The following FOXP2 variants were observed in gnomAD, a reference collection of about 807,000 sequenced individuals.
FOXP2 encodes forkhead box P2, also known as forkhead box protein P2.
FOXP2 carries 12 observed loss-of-function variants against 115.8 expected under a neutral mutation model. That is an observed-to-expected ratio of 0.10 (90% CI 0.07 to 0.17). The LOEUF is 0.17. Ranked by LOEUF, FOXP2 falls within the 10% of genes least tolerant of loss-of-function variation. The probability of loss-of-function intolerance (pLI) is 1.00; values close to 1 mark genes in which losing one functional copy is unlikely to be tolerated. For missense variants in FOXP2, 629 were observed against 843.5 expected (o/e 0.75, Z 3.15); for synonymous variants, 328 against 297.7 (o/e 1.10, Z -1.05).
At chr7:114,576,505 C>T (rs965123373) in intron 3 of FOXP2, among the ~76,000 whole-genome samples, 2 of 151,758 alleles carry the variant, frequency 1.3e-5, no homozygotes, top group African/African-American at 4.8e-5. Flanking sequence ...AATTTACTCC[C>T]CTTGATGATT....
intron 2 of FOXP2, among the ~76,000 whole-genome samples, chr7:114,385,717 G>A (rs145071202): frequency 3.9e-4 from 60 of 152,306 alleles, no homozygotes; most frequent in Non-Finnish European, 7.6e-4. Context: ...GAACAGAATA[G>A]CAAGCTAAAG....
rs1158252110 is a variant in FOXP2 at position 114,631,583 on chromosome 7, A to G, written c.653A>G (p.Gln218Arg). The G allele has an allele frequency of 6.2e-7, 1 of 1,606,884 alleles. No individual in the cohort carries two copies. The highest frequency in any genetic ancestry group is 1.7e-5 in the Admixed American group (1 of 59,000). ...TTGGCAGCCCAGCAGCTTGTCTTCC[A>G]GCAGCAGCTTCTCCAGATGCAACAA... is the stretch of plus-strand genomic sequence containing the variant. ...QQLAAQQLVF[Q>R]QQLLQMQQLQ... The change falls in exon 6 of 17, where the codon CAG (glutamine) becomes CGG (arginine). Residue 218 changes from glutamine to arginine, a missense_variant. Physicochemically the swap from Gln to Arg is conservative, Grantham distance 43. Coordinates refer to ENST00000350908, the MANE Select transcript of FOXP2 (RefSeq NM_014491.4).
chr7:114,475,972 T>C (rs1796240351), intron 2 of FOXP2, among the ~76,000 whole-genome samples: 3 of 151,944 alleles, frequency 2.0e-5, no homozygotes, highest in Admixed American at 1.3e-4. Flanking sequence ...ATGTACCCCC[T>C]ATATCTAATG....
At chr7:114,647,828 G>A (rs750259143) in intron 8 of FOXP2, among the ~76,000 whole-genome samples, 2 of 151,948 alleles carry the variant, frequency 1.3e-5, no homozygotes, top group African/African-American at 2.4e-5. Context: ...TAAGCCAAAA[G>A]GTTTACAATA....
At chr7:114,262,899 T>C (rs1486155459) in intron 1 of FOXP2, among the ~76,000 whole-genome samples, 6 of 152,226 alleles carry the variant, frequency 3.9e-5, no homozygotes, top group Non-Finnish European at 8.8e-5. Context: ...TTTACCTTAG[T>C]TTTATGTCTA....
chr7:114,390,985 G>C (rs1020675489), intron 2 of FOXP2, among the ~76,000 whole-genome samples: 3 of 152,080 alleles, frequency 2.0e-5, no homozygotes, highest in African/African-American at 7.2e-5. Flanking sequence ...TCAGGAGTTG[G>C]AGATCAGCCT....
At chr7:114,553,016 G>A (rs1800286690) in intron 3 of FOXP2, among the ~76,000 whole-genome samples, 2 of 152,030 alleles carry the variant, frequency 1.3e-5, no homozygotes, top group Non-Finnish European at 2.9e-5. Flanking sequence ...TTTTGAAACA[G>A]TATTTCCCTA....
At chr7:114,616,449 C>T (rs1803957451) in intron 3 of FOXP2, among the ~76,000 whole-genome samples, 1 of 152,150 alleles carries the variant, frequency 6.6e-6, no homozygotes, top group African/African-American at 2.4e-5. Flanking sequence ...AGATGTGAGC[C>T]ACCATGCCTG....
chr7:114,169,800 T>A (rs1793090000), intron 1 of FOXP2, among the ~76,000 whole-genome samples: 1 of 152,072 alleles, frequency 6.6e-6, no homozygotes, highest in Admixed American at 6.5e-5. Context: ...GGGAGATAAT[T>A]GAATCATGGG....
chr7:114,518,527 G>T (rs145318256), intron 2 of FOXP2, among the ~76,000 whole-genome samples: 262 of 150,498 alleles, frequency 1.7e-3, no homozygotes, highest in East Asian at 4.9e-3. Flanking sequence ...TTTTTTTTGA[G>T]ATGGAGTCTC....
chr7:114,587,185 C>A (rs866732795), intron 3 of FOXP2, among the ~76,000 whole-genome samples: 2 of 151,906 alleles, frequency 1.3e-5, no homozygotes, highest in Middle Eastern at 3.4e-3. Context: ...GGTTTTAAGA[C>A]CTGCATGCAT....
rs140858170 is a variant in FOXP2, at chr7:114,371,224, G to A, written c.-10-55278G>A. Among the ~76,000 whole-genome samples, 419 of 151,212 alleles carry A rather than the reference G, an allele frequency of 2.8e-3. 3 individuals are homozygous for A. Among genetic ancestry groups the A allele is most frequent in the African/African-American group, 9.8e-3 (406 of 41,334 alleles). Reference sequence around the variant, plus strand: ...GCCTCCTAAGTAGCTGGAACTAGAGGCACATGCCACCATGTCCAGCTAATT... The same window carrying A: ...GCCTCCTAAGTAGCTGGAACTAGAGACACATGCCACCATGTCCAGCTAATT... On this transcript the variant is annotated intron_variant, in intron 2 of 17. Transcript: ENST00000634411.
chr7:114,512,486 G>T (rs1047374907), intron 2 of FOXP2, among the ~76,000 whole-genome samples: 4 of 152,148 alleles, frequency 2.6e-5, no homozygotes, highest in African/African-American at 7.2e-5. Context: ...AACAGAGTGG[G>T]ATGGAAGTGG....
intron 2 of FOXP2, among the ~76,000 whole-genome samples, chr7:114,493,168 CT>C (rs1233729778): frequency 6.6e-6 from 1 of 152,136 alleles, no homozygotes; most frequent in Non-Finnish European, 1.5e-5. Flanking sequence ...ATGTAATGGC[CT>C]TCTTTGTCTC....
At chr7:114,235,389 T>G (rs977523851) in intron 1 of FOXP2, among the ~76,000 whole-genome samples, 6 of 152,102 alleles carry the variant, frequency 3.9e-5, no homozygotes, top group Non-Finnish European at 8.8e-5. Context: ...GCAGCACCTA[T>G]GTTTTTTATC....
chr7:114,653,024 A>C (rs1806362757), intron 9 of FOXP2, among the ~76,000 whole-genome samples: 1 of 152,128 alleles, frequency 6.6e-6, no homozygotes. Context: ...TTCATCTTAA[A>C]GATGATCTTT....
intron 2 of FOXP2, among the ~76,000 whole-genome samples, chr7:114,509,422 G>A (rs566023234): frequency 6.6e-4 from 100 of 152,182 alleles, no homozygotes; most frequent in African/African-American, 2.4e-3. Flanking sequence ...GAAAAAAAGA[G>A]AAAGGTATTA....
intron 2 of FOXP2, among the ~76,000 whole-genome samples, chr7:114,450,545 T>C (rs998916953): frequency 2.0e-5 from 3 of 152,118 alleles, no homozygotes; most frequent in African/African-American, 7.2e-5. Context: ...TCTCTAAAAA[T>C]GACAGGTGTC....
intron 16 of FOXP2, among the ~76,000 whole-genome samples, chr7:114,677,172 CAA>C (rs538753120): frequency 1.1e-4 from 6 of 52,896 alleles, no homozygotes; most frequent in Admixed American, 3.8e-4. Context: ...TCTCAAAAAA[CAA>C]AAAAAAAAAA....
Sources: allele counts gnomAD v4.1 joint callset (sites outside exome capture counted in the v4.1 genomes callset), GRCh38; gene constraint gnomAD v4.1.1; transcripts MANE v1.5; gene names NCBI Gene and HGNC (gene_info 2026-07-23, HGNC 2026-07-21).